Variants in ENTHD1 observed in about 807,000 individuals in gnomAD.
ENTHD1 encodes ENTH domain-containing protein 1.
A neutral mutation model predicts 39.1 loss-of-function variants in ENTHD1; 23 were observed. The ratio of observed to expected loss-of-function variants is 0.59; its 90% CI spans 0.42 to 0.83. The LOEUF (loss-of-function observed/expected upper bound fraction) is 0.83. Among genes scored for constraint, ENTHD1 ranks in the 40% least tolerant of loss-of-function variants. The pLI is 0.00. For missense variants in ENTHD1, 624 were observed against 705.4 expected (o/e 0.88, Z 1.31); for synonymous variants, 230 against 258.2 (o/e 0.89, Z 1.05).
chr22:39,884,231 T>G (rs945486597), intron 2 of ENTHD1, among the ~76,000 whole-genome samples: 8 of 151,872 alleles, frequency 5.3e-5, no homozygotes, highest in African/African-American at 1.9e-4. Flanking sequence ...CAGGCTGGAG[T>G]GCAGTGGTGT....
chr22:39,799,934 A>C (rs2065585167), intron 5 of ENTHD1, among the ~76,000 whole-genome samples: 1 of 152,184 alleles, frequency 6.6e-6, no homozygotes, highest in African/African-American at 2.4e-5. Flanking sequence ...GTTAGGTCCC[A>C]GGTCAGGATG....
Position 39,765,293 on chromosome 22 carries a change from G to T in ENTHD1, c.1149C>A (p.Asn383Lys). Residue 383 changes from asparagine to lysine, a missense_variant, in exon 6 of 7, where the codon AAC becomes AAA. Transcript: ENST00000325157. ...ATTGTGCTGGTTTCTGGTAGGCCTT[G>T]TTGATTACAATCTCCTTCACTCGGT... Reference protein sequence around the residue: ...IFDRVKEIVINKAYQKPAQSS... With the variant: ...IFDRVKEIVIKKAYQKPAQSS... 6.2e-7 allele frequency: 1 copy of T among 1,613,574 alleles called. No homozygotes were observed. The highest frequency in any genetic ancestry group is 2.2e-5 in the East Asian group (1 of 44,834).
chr22:39,806,909 T>C (rs1417608937), intron 5 of ENTHD1, among the ~76,000 whole-genome samples: 1 of 152,100 alleles, frequency 6.6e-6, no homozygotes, highest in East Asian at 1.9e-4. Context: ...CTGAGAAGTA[T>C]GCAAAGCATG....
intron 2 of ENTHD1, among the ~76,000 whole-genome samples, chr22:39,884,142 A>C (rs2066362415): frequency 1.3e-5 from 2 of 152,174 alleles, no homozygotes; most frequent in African/African-American, 4.8e-5. Context: ...CTACAGATTC[A>C]ATGTAAGCCC....
chr22:39,871,172 A>AAAATAAATAAAT lies in ENTHD1; in HGVS notation c.350-9177_350-9166dup, dbSNP rs58727605. 4.1e-3 allele frequency among the ~76,000 whole-genome samples: 586 copies of AAAATAAATAAAT among 141,274 alleles called. 1 individual carries two copies. The highest frequency in any genetic ancestry group is 0.016 in the East Asian group (75 of 4,756). 92.7% of individuals were successfully genotyped at this position (141,274 alleles called of 152,430 possible). On this transcript the variant is annotated intron_variant, in intron 2 of 6. Coordinates refer to ENST00000325157, the MANE Select transcript of ENTHD1 (RefSeq NM_152512.4). Reference sequence around the variant, plus strand: ...GCAATGGAGTGAGAGCCCATCTTCTAAAATAAATAAATAAATAAATAAATA... The same window carrying AAAATAAATAAAT: ...GCAATGGAGTGAGAGCCCATCTTCTAAAATAAATAAATAAATAAATAAATAAATAAATAAATA...
chr22:39,762,020 T>C (rs1953764105), intron 6 of ENTHD1, among the ~76,000 whole-genome samples: 1 of 152,186 alleles, frequency 6.6e-6, no homozygotes, highest in Non-Finnish European at 1.5e-5. Flanking sequence ...GATGATACAT[T>C]GTAAAGTGTC....
At chr22:39,827,841 G>A (rs1388460914) in intron 4 of ENTHD1, among the ~76,000 whole-genome samples, 2 of 151,928 alleles carry the variant, frequency 1.3e-5, no homozygotes, top group Non-Finnish European at 1.5e-5. Flanking sequence ...ATATGTACAA[G>A]GATTATTATT....
chr22:39,854,488 T>A (rs1269659945), intron 3 of ENTHD1, among the ~76,000 whole-genome samples: 2 of 152,206 alleles, frequency 1.3e-5, no homozygotes, highest in Non-Finnish European at 2.9e-5. Context: ...CTGTAAGTAG[T>A]GCCTCTGGAG....
chr22:39,865,336 G>T (rs1051354765), intron 2 of ENTHD1, among the ~76,000 whole-genome samples: 5 of 151,978 alleles, frequency 3.3e-5, no homozygotes, highest in African/African-American at 1.2e-4. Context: ...GTGAGCTTCT[G>T]CCCACTACCC....
At chr22:39,854,973 C>T (rs2066073216) in intron 3 of ENTHD1, among the ~76,000 whole-genome samples, 1 of 152,174 alleles carries the variant, frequency 6.6e-6, no homozygotes, top group Non-Finnish European at 1.5e-5. Context: ...TAGTCAATTT[C>T]AATTTCTCTC....
chr22:39,765,156 G>C (rs2065264531), intron 6 of ENTHD1, 67 bp downstream of exon 6: 1 of 1,452,982 alleles, frequency 6.9e-7, no homozygotes, highest in South Asian at 1.5e-5. Flanking sequence ...GTAAAATAAT[G>C]CTTCAAAAGA....
chr22:39,774,019 G>A (rs1480635658), intron 5 of ENTHD1, among the ~76,000 whole-genome samples: 1 of 152,192 alleles, frequency 6.6e-6, no homozygotes, highest in Non-Finnish European at 1.5e-5. Context: ...AGCGTTACGA[G>A]TGCACAGTGC....
chr22:39,807,916 T>C (rs192323462), intron 5 of ENTHD1, among the ~76,000 whole-genome samples: 1 of 150,608 alleles, frequency 6.6e-6, no homozygotes, highest in Non-Finnish European at 1.5e-5. Context: ...TGTGTGTGTA[T>C]ATATATACTG....
At chr22:39,870,747 A>G (rs2066235406) in intron 2 of ENTHD1, among the ~76,000 whole-genome samples, 1 of 152,196 alleles carries the variant, frequency 6.6e-6, no homozygotes, top group South Asian at 2.1e-4. Flanking sequence ...ATACAAATAA[A>G]GTATCCTCAG....
chr22:39,879,020 T>C (rs2066313210), intron 2 of ENTHD1, among the ~76,000 whole-genome samples: 1 of 151,914 alleles, frequency 6.6e-6, no homozygotes, highest in Non-Finnish European at 1.5e-5. Flanking sequence ...AATGAAAATA[T>C]GAGCCACAGA....
At chr22:39,827,165 G>A (rs1023237733) in intron 4 of ENTHD1, among the ~76,000 whole-genome samples, 2 of 151,850 alleles carry the variant, frequency 1.3e-5, no homozygotes, top group African/African-American at 4.8e-5. Flanking sequence ...ACAGGCGCCT[G>A]CCACCACGCC....
chr22:39,865,660 G>T (rs1283961898), intron 2 of ENTHD1, among the ~76,000 whole-genome samples: 1 of 152,200 alleles, frequency 6.6e-6, no homozygotes, highest in Non-Finnish European at 1.5e-5. Flanking sequence ...TAGTCCAACA[G>T]ATCAATACCC....
intron 2 of ENTHD1, among the ~76,000 whole-genome samples, chr22:39,879,596 G>C (rs1403780920): frequency 6.6e-6 from 1 of 151,544 alleles, no homozygotes; most frequent in African/African-American, 2.4e-5. Context: ...TACCTATTAG[G>C]ATGACCAAAA....
chr22:39,781,816 C>G (rs1268771858), intron 5 of ENTHD1, among the ~76,000 whole-genome samples: 1 of 151,738 alleles, frequency 6.6e-6, no homozygotes, highest in African/African-American at 2.4e-5. Context: ...CAGAAACAAA[C>G]AAAAAATAGA....
Sources: allele counts gnomAD v4.1 joint callset (sites outside exome capture counted in the v4.1 genomes callset), GRCh38; gene constraint gnomAD v4.1.1; transcripts MANE v1.5; gene names NCBI Gene and HGNC (gene_info 2026-07-23, HGNC 2026-07-21).